Variants in CAPN2 observed in about 807,000 individuals in gnomAD.
CAPN2 encodes calpain-2 catalytic subunit.
CAPN2 carries 92 observed loss-of-function variants against 102.3 expected under a neutral mutation model. That is an observed-to-expected ratio of 0.90 (90% confidence interval 0.76 to 1.07). The LOEUF (loss-of-function observed/expected upper bound fraction) is 1.07, where lower values mean the gene tolerates loss of function less well. Among genes scored for constraint, CAPN2 ranks in the 50% least tolerant of loss-of-function variants. The pLI, the probability that CAPN2 is intolerant of heterozygous loss-of-function variation, is 0.00. For synonymous variants in CAPN2, 340 were observed against 355.4 expected (o/e 0.96, Z 0.49); for missense variants, 800 against 909.4 (o/e 0.88, Z 1.55).
At chr1:223,752,770 G>T in intron 8 of CAPN2, 26 bp from the exon 9 acceptor site, 1 of 1,612,958 alleles carries the variant, frequency 6.2e-7, no homozygotes, top group Non-Finnish European at 8.5e-7. Flanking sequence ...CTTATCACCT[G>T]TGATGATTGT....
intron 2 of CAPN2, among the ~76,000 whole-genome samples, chr1:223,735,547 T>G (rs12239678): frequency 1.0e-3 from 151 of 151,184 alleles, no homozygotes; most frequent in South Asian, 2.9e-3. Context: ...AAAAAAAAAT[T>G]TGTGGTCTTC....
Position 223,770,534 on chromosome 1 carries a change from T to G in CAPN2, c.1903+9T>G, listed in dbSNP as rs376622662. The G allele has an allele frequency of 2.1e-5, 33 of 1,591,366 alleles. No individual in the cohort carries two copies. The highest frequency in any genetic ancestry group is 2.8e-5 in the Non-Finnish European group (33 of 1,159,622). On this transcript the variant is annotated intron_variant, in intron 18 of 20. Transcript: ENST00000295006. ...GGCATTAGAAGAAGCAGGTAACCCT[T>G]TATAACTGCATTTTCGTTCCTAGTT...
intron 13 of CAPN2, 126 bp downstream of exon 13, chr1:223,761,743 C>A: frequency 1.3e-6 from 1 of 784,692 alleles, no homozygotes; most frequent in Non-Finnish European, 2.1e-6. Flanking sequence ...AAGCCGGGTA[C>A]TGGGAATCCA....
rs558508236 is a variant in CAPN2 at position 223,755,590 on chromosome 1, C to T, written c.1246C>T (p.Arg416Ter). The T allele has an allele frequency of 6.8e-6, 11 of 1,613,206 alleles. No homozygotes were observed. Among genetic ancestry groups the T allele is most frequent in the East Asian group, 2.2e-5 (1 of 44,876 alleles). ...TFLVGLIQKHRRRQRKMGEDM... is the reference protein window; with the variant it reads ...TFLVGLIQKH Reference sequence around the variant, plus strand: ...CCTGGTGGGGCTCATTCAGAAGCACCGACGGCGGCAGAGGAAGATGGGCGA... The same window carrying T: ...CCTGGTGGGGCTCATTCAGAAGCACTGACGGCGGCAGAGGAAGATGGGCGA... Residue 416 changes from arginine (R) to a stop codon, truncating the protein, a stop_gained, in exon 10 of 21, where the codon CGA (arginine) becomes TGA (stop). Transcript: ENST00000295006. LOFTEE classifies it high-confidence loss of function. This position sits in a 1 kb window ranked among gnomAD's most constrained non-coding sequence, Gnocchi z 4.1.
chr1:223,766,468 GGA>G, intron 16 of CAPN2, 37 bp downstream of exon 16: 1 of 1,495,666 alleles, frequency 6.7e-7, no homozygotes, highest in South Asian at 1.1e-5. Flanking sequence ...AGAGACTGGG[GGA>G]GTTTAAAATC....
At chr1:223,730,010 C>CAAAAAAACA (rs1660294993) in intron 2 of CAPN2, among the ~76,000 whole-genome samples, 2 of 79,028 alleles carry the variant, frequency 2.5e-5, no homozygotes, top group Non-Finnish European at 4.5e-5. Flanking sequence ...CCCAAAAAAC[C>CAAAAAAACA]AAAAAAAAAA....
intron 17 of CAPN2, 194 bp from the exon 18 acceptor site, chr1:223,770,253 A>G (rs2102816864): frequency 1.7e-6 from 1 of 601,216 alleles, no homozygotes; most frequent in Non-Finnish European, 3.0e-6. Flanking sequence ...TTTGATGGGC[A>G]TATTTACAAA....
At position 223,750,940 on chromosome 1, in the gene CAPN2, G is replaced by A. The variant is rs1016398121; in HGVS notation, c.864G>A (p.Trp288Ter). Residue 288 changes from tryptophan to a stop codon, truncating the protein, a stop_gained, in exon 7 of 21, where the codon TGG becomes TGA. Coordinates refer to ENST00000295006, the MANE Select transcript of CAPN2 (RefSeq NM_001748.5). LOFTEE classifies it high-confidence loss of function. Reference sequence around the variant, plus strand: ...AACTGATCCGCATCCGAAATCCCTGGGGAGAAGTGGAGTGGACAGGGCGGT... The same window carrying A: ...AACTGATCCGCATCCGAAATCCCTGAGGAGAAGTGGAGTGGACAGGGCGGT... ...LQKLIRIRNP[W>*]GEVEWTGRWN... 1 of 1,552,674 alleles carries A rather than the reference G, an allele frequency of 6.4e-7. No homozygotes were observed. The highest frequency in any genetic ancestry group is 1.4e-5 in the African/African-American group (1 of 73,254).
intron 2 of CAPN2, among the ~76,000 whole-genome samples, chr1:223,730,872 C>A (rs1433128265): frequency 6.6e-6 from 1 of 152,178 alleles, no homozygotes; most frequent in African/African-American, 2.4e-5. Flanking sequence ...TTTCGACTTG[C>A]AATATTTTCA....
At chr1:223,774,689 A>T (rs1481492919) in intron 20 of CAPN2, 145 bp from the exon 21 acceptor site, 1 of 688,946 alleles carries the variant, frequency 1.5e-6, no homozygotes, top group East Asian at 2.6e-5. Context: ...AAATCAGGTA[A>T]GAAAAATATG....
intron 4 of CAPN2, among the ~76,000 whole-genome samples, chr1:223,746,683 T>C (rs1660758534): frequency 6.6e-6 from 1 of 152,148 alleles, no homozygotes; most frequent in African/African-American, 2.4e-5. Flanking sequence ...TTTTGCCATG[T>C]TGGCCAGGCT....
upstream of CAPN2, among the ~76,000 whole-genome samples, chr1:223,709,794 A>T (rs1659693125): frequency 2.0e-5 from 3 of 152,256 alleles, no homozygotes; most frequent in Admixed American, 6.5e-5. Flanking sequence ...ATGCAACTAG[A>T]CAAAAAACTG....
At chr1:223,707,921 G>C (rs552563742), upstream of CAPN2, among the ~76,000 whole-genome samples, 28 of 152,350 alleles carry the variant, frequency 1.8e-4, no homozygotes, top group African/African-American at 6.3e-4. Context: ...GAGATCAGTG[G>C]GAGGAGAAGC....
intron 2 of CAPN2, among the ~76,000 whole-genome samples, chr1:223,739,191 T>TTC: frequency 6.6e-6 from 1 of 150,788 alleles, no homozygotes; most frequent in Non-Finnish European, 1.5e-5. Context: ...GATTTTTTTT[T>TTC]TTTTTTTTTT....
intron 1 of CAPN2, among the ~76,000 whole-genome samples, chr1:223,707,348 C>A (rs1659634314): frequency 6.6e-6 from 1 of 152,070 alleles, no homozygotes; most frequent in Non-Finnish European, 1.5e-5. Context: ...TCTGGATAAT[C>A]CCAGCTGTTT....
Position 223,755,753 on chromosome 1 carries a change from C to G in CAPN2, c.1305+104C>G. ...CAGAACTGGGGATGGGATCCCAGAC[C>G]GGGAGCTTGGCCAAGGAAAAACAAA... is the stretch of plus-strand genomic sequence containing the variant. On this transcript the variant is annotated intron_variant, in intron 10 of 20. Transcript: ENST00000295006. The surrounding 1 kb of genome is among the most constrained non-coding windows in gnomAD (Gnocchi z 4.1). 8.3e-7 allele frequency: 1 copy of G among 1,204,014 alleles called. No individual in the cohort carries two copies. The highest frequency in any genetic ancestry group is 2.7e-5 in the East Asian group (1 of 37,004). 74.6% of individuals were successfully genotyped at this position (1,204,014 alleles called of 1,614,324 possible). A position where few individuals can be genotyped will look rare whatever the true frequency, so the allele number is the denominator to read the frequency against.
chr1:223,732,334 C>G (rs1188086608), intron 2 of CAPN2, among the ~76,000 whole-genome samples: 1 of 152,160 alleles, frequency 6.6e-6, no homozygotes, highest in Non-Finnish European at 1.5e-5. Flanking sequence ...CATAGAGCAG[C>G]CCTGAGGGCT....
intron 6 of CAPN2, among the ~76,000 whole-genome samples, chr1:223,749,818 C>A (rs12563713): frequency 0.062 from 9,380 of 152,040 alleles, 333 homozygotes; most frequent in Non-Finnish European, 0.085. Flanking sequence ...AGTTCAAGAC[C>A]AGCCTGGGCA....
intron 20 of CAPN2, chr1:223,773,179 C>G (rs190103817): frequency 6.6e-6 from 1 of 152,248 alleles, no homozygotes; most frequent in African/African-American, 2.4e-5. Flanking sequence ...TTACAAATAA[C>G]ACTAACTTGC....
Sources: allele counts gnomAD v4.1 joint callset (sites outside exome capture counted in the v4.1 genomes callset), GRCh38; gene constraint gnomAD v4.1.1; non-coding constraint Gnocchi (gnomAD v3.1); transcripts MANE v1.5; gene names NCBI Gene and HGNC (gene_info 2026-07-23, HGNC 2026-07-21).